The following TBC1D16 variants were observed in gnomAD, a reference collection of about 807,000 sequenced individuals.
TBC1D16 encodes the protein CTD-2529O21.1.
Under a neutral mutation model 74.7 loss-of-function variants are expected in TBC1D16, and 58 were observed. That is an observed-to-expected ratio of 0.78 (90% CI 0.63 to 0.97). The LOEUF is 0.97. Ranked by LOEUF, TBC1D16 falls within the 50% of genes least tolerant of loss-of-function variation. The probability of loss-of-function intolerance (pLI) is 0.00; values close to 1 mark genes in which losing one functional copy is unlikely to be tolerated. For synonymous variants in TBC1D16, 493 were observed against 474.7 expected (o/e 1.04, Z -0.50); for missense variants, 1,014 against 1,079.5 (o/e 0.94, Z 0.85).
chr17:79,997,553 T>A (rs2035321086), intron 3 of TBC1D16, among the ~76,000 whole-genome samples: 1 of 152,214 alleles, frequency 6.6e-6, no homozygotes. Context: ...GAACGAAGAC[T>A]TTTTTAAATG....
chr17:79,995,756 A>G (rs992494193), intron 3 of TBC1D16, among the ~76,000 whole-genome samples: 43 of 152,170 alleles, frequency 2.8e-4, no homozygotes, highest in Admixed American at 1.4e-3. Context: ...CTGCACTCCA[A>G]CCTGGGCGAC....
Position 79,979,842 on chromosome 17 carries a change from T to A in TBC1D16, c.780-27024A>T, listed in dbSNP as rs112821235. Among the ~76,000 whole-genome samples, 4 of 152,162 alleles carry A rather than the reference T, an allele frequency of 2.6e-5. 1 individual carries two copies. Among genetic ancestry groups the A allele is most frequent in the African/African-American group, 9.6e-5 (4 of 41,512 alleles). The stretch of plus-strand genomic sequence containing the variant: ...CCAAGTAGCAAGGAGGGGAGGGGTC[T>A]TCACAGACAGAGGCCTTGCTATGGG... On this transcript the variant is annotated intron_variant, in intron 3 of 11. Transcript: ENST00000310924. This position sits in a 1 kb window ranked among gnomAD's most constrained non-coding sequence, Gnocchi z 4.8.
chr17:79,950,861 T>C lies in TBC1D16; in HGVS notation c.1090-283A>G. On this transcript the variant is annotated intron_variant, in intron 5 of 11. Transcript: ENST00000310924. This position sits in a 1 kb window ranked among gnomAD's most constrained non-coding sequence, Gnocchi z 4.6. ...CAGCCGCAAAAACGGAATGAATGCC[T>C]CGTTCGGCCTAACTTCCCTCTGCCG... is the stretch of plus-strand genomic sequence containing the variant. 1 of 1,519,354 alleles carries C rather than the reference T, an allele frequency of 6.6e-7. No individual in the cohort carries two copies. Among genetic ancestry groups the C allele is most frequent in the Non-Finnish European group, 8.8e-7 (1 of 1,136,192 alleles). 94.1% of individuals were successfully genotyped at this position (1,519,354 alleles called of 1,614,324 possible).
intron 5 of TBC1D16, 98 bp downstream of exon 5, chr17:79,951,352 C>G: frequency 6.9e-7 from 1 of 1,447,390 alleles, no homozygotes; most frequent in South Asian, 1.3e-5. Flanking sequence ...GCCCCCGGGG[C>G]CCGGGGACCC....
intron 2 of TBC1D16, among the ~76,000 whole-genome samples, chr17:80,012,359 C>T (rs560642944): frequency 6.6e-6 from 1 of 152,164 alleles, no homozygotes; most frequent in Non-Finnish European, 1.5e-5. Flanking sequence ...GAACCTGCAC[C>T]CCTTTCTAGG....
intron 3 of TBC1D16, among the ~76,000 whole-genome samples, chr17:79,995,352 T>TG (rs760501526): frequency 2.3e-4 from 35 of 152,062 alleles, no homozygotes; most frequent in Admixed American, 5.2e-4. Flanking sequence ...CAACTGATAT[T>TG]GGACAAAAGA....
At chr17:79,989,086 C>A (rs1390533783) in intron 3 of TBC1D16, among the ~76,000 whole-genome samples, 3 of 152,242 alleles carry the variant, frequency 2.0e-5, no homozygotes, top group Non-Finnish European at 4.4e-5. Flanking sequence ...AACTCCCAAA[C>A]ACCTGTCAAT....
rs538686132 is a variant in TBC1D16, at chr17:79,944,547, G to A, written c.1908+361C>T. 1.2e-4 allele frequency among the ~76,000 whole-genome samples: 18 copies of A among 152,192 alleles called. No homozygotes were observed. Among genetic ancestry groups the A allele is most frequent in the Non-Finnish European group, 2.2e-4 (15 of 68,022 alleles). On this transcript the variant is annotated intron_variant, in intron 10 of 11. Transcript: ENST00000310924. The surrounding 1 kb of genome is among the most constrained non-coding windows in gnomAD (Gnocchi z 7.7). ...TCGGCCCTCGTGGCAGGGCGGTCCC[G>A]AGGGGGTGGAGCGGTGCTGGCTCAC...
At chr17:80,014,289 G>A (rs964327252) in intron 1 of TBC1D16, among the ~76,000 whole-genome samples, 44 of 152,084 alleles carry the variant, frequency 2.9e-4, no homozygotes, top group African/African-American at 8.7e-4. Context: ...CCCAAGAGGC[G>A]GAGGGTGCAG....
At position 80,001,268 on chromosome 17, in the gene TBC1D16, G is replaced by A. The variant is rs1024361401; in HGVS notation, c.779+8892C>T. Among the ~76,000 whole-genome samples the A allele has an allele frequency of 2.0e-5, 3 of 152,240 alleles. No homozygotes were observed. The highest frequency in any genetic ancestry group is 1.3e-4 in the Admixed American group (2 of 15,284). The stretch of plus-strand genomic sequence containing the variant: ...TGGTGGCCACCTTGGCTTGGGCAGG[G>A]GGGAGTCTGGGGGAGGGAGGAACGC... On this transcript the variant is annotated intron_variant, in intron 3 of 11. Coordinates refer to ENST00000310924, the MANE Select transcript of TBC1D16 (RefSeq NM_019020.4). This position sits in a 1 kb window ranked among gnomAD's most constrained non-coding sequence, Gnocchi z 5.8.
Position 79,947,718 on chromosome 17 carries a change from CAGA to C in TBC1D16, c.1652_1654del (p.Phe551del), listed in dbSNP as rs2032671159. ...GTTCTGCATCAAACCCACAAAGCAC[CAGA>C]AGGTGTCTGACTCATCCAGGACCTC... On this transcript the variant is annotated inframe_deletion, in exon 9 of 12. Transcript: ENST00000310924. The C allele has an allele frequency of 1.2e-6, 2 of 1,614,128 alleles. No homozygotes were observed. Among genetic ancestry groups the C allele is most frequent in the Non-Finnish European group, 1.7e-6 (2 of 1,180,046 alleles).
At position 80,010,435 on chromosome 17, in the gene TBC1D16, C is replaced by G; in HGVS notation, c.504G>C (p.Leu168Phe). 5.6e-6 allele frequency: 9 copies of G among 1,609,714 alleles called. No individual in the cohort carries two copies. Among genetic ancestry groups the G allele is most frequent in the Non-Finnish European group, 7.6e-6 (9 of 1,178,350 alleles). The change falls in exon 3 of 12, where the codon TTG becomes TTC. Residue 168 changes from leucine (L) to phenylalanine (F), a missense_variant. By Grantham distance (22) the Leu-to-Phe change is conservative. Coordinates refer to ENST00000310924, the MANE Select transcript of TBC1D16 (RefSeq NM_019020.4). The surrounding 1 kb of genome is among the most constrained non-coding windows in gnomAD (Gnocchi z 8.8). ...AGGCTGGCTGGGCACCATCCACCCC[C>G]AAGCCCTGCGCCAGCTTCTCCTCAT... is the stretch of plus-strand genomic sequence containing the variant. Reference protein sequence around the residue: ...PEDEEKLAQGLGVDGAQPASQ... With the variant: ...PEDEEKLAQGFGVDGAQPASQ...
At chr17:80,033,841 A>G (rs1330596636) in intron 1 of TBC1D16, among the ~76,000 whole-genome samples, 1 of 152,238 alleles carries the variant, frequency 6.6e-6, no homozygotes, top group African/African-American at 2.4e-5. Context: ...ATTAGCAGCT[A>G]GTGGTGACAT....
chr17:79,974,210 ATTGT>A (rs2034235996), intron 3 of TBC1D16, among the ~76,000 whole-genome samples: 2 of 150,862 alleles, frequency 1.3e-5, no homozygotes, highest in Non-Finnish European at 2.9e-5. Context: ...AAGCTCATGA[ATTGT>A]TTATTTCTGG....
intron 3 of TBC1D16, among the ~76,000 whole-genome samples, chr17:79,973,396 G>A (rs2034195360): frequency 6.6e-6 from 1 of 152,106 alleles, no homozygotes; most frequent in South Asian, 2.1e-4. Flanking sequence ...AACACAGTTA[G>A]ACCCCGTCTT....
chr17:79,968,686 TA>T (rs2033944231), intron 3 of TBC1D16, among the ~76,000 whole-genome samples: 1 of 151,732 alleles, frequency 6.6e-6, no homozygotes, highest in Non-Finnish European at 1.5e-5. Flanking sequence ...ATCTTGTCTC[TA>T]CTAAAAATAC....
At position 80,010,372 on chromosome 17, in the gene TBC1D16, C is replaced by T. The variant is rs567303828; in HGVS notation, c.567G>A (p.Thr189=). Residue 189 remains threonine (T), a synonymous_variant, in exon 3 of 12, where the codon ACG becomes ACA. Transcript: ENST00000310924. This position sits in a 1 kb window ranked among gnomAD's most constrained non-coding sequence, Gnocchi z 8.8. ...PACSPSGILS[T]VSPQDVTEEG... is the part of the protein sequence containing the mutation. ...CCTCGGTGACATCCTGCGGACTGAC[C>T]GTCGACAAGATCCCGGAGGGGCTGC... 2.2e-5 allele frequency: 35 copies of T among 1,612,178 alleles called. No individual in the cohort carries two copies. The South Asian group carries it at 3.3e-4, about 15-fold the overall frequency.
At chr17:80,034,465 G>C (rs1252338115) in intron 1 of TBC1D16, among the ~76,000 whole-genome samples, 1 of 152,096 alleles carries the variant, frequency 6.6e-6, no homozygotes, top group Admixed American at 6.6e-5. Context: ...TCCTCCCAAA[G>C]TGCTGGGATT....
Position 79,952,740 on chromosome 17 carries a change from C to A in TBC1D16, c.858G>T (p.Pro286=). Residue 286 remains proline, a synonymous_variant, in exon 4 of 12, where the codon CCG becomes CCT. Transcript: ENST00000310924. ...TCTGCTCCAGGGCGCACACCCGCTG[C>A]GGCTCGTCCCAGCGTGGGGTCTGCA... ...GLLQTPRWDE[P]QRVCALEQIC... is the part of the protein sequence containing the mutation. 6 of 1,612,160 alleles carry A rather than the reference C, an allele frequency of 3.7e-6. No homozygotes were observed. The highest frequency in any genetic ancestry group is 1.1e-5 in the South Asian group (1 of 91,028).
Sources: gnomAD v4.1 joint callset for allele counts (sites outside exome capture counted in the v4.1 genomes callset) on GRCh38, gnomAD v4.1.1 for gene constraint, Gnocchi (gnomAD v3.1) non-coding constraint, MANE v1.5 for transcripts, NCBI Gene and HGNC (gene_info 2026-07-23, HGNC 2026-07-21) for gene names.